The following PHYHIPL variants were observed in gnomAD, a reference collection of about 807,000 sequenced individuals.
PHYHIPL encodes the protein phytanoyl-CoA 2-hydroxylase interacting protein like, also known as phytanoyl-CoA hydroxylase-interacting protein-like.
In PHYHIPL, 9 loss-of-function variants were observed where a neutral mutation model predicts 33.4. The ratio of observed to expected loss-of-function variants is 0.27; its 90% CI spans 0.16 to 0.47. The LOEUF is 0.47. PHYHIPL is among the 20% of genes least tolerant of loss of function. The pLI, the probability that PHYHIPL is intolerant of heterozygous loss-of-function variation, is 0.99. For synonymous variants in PHYHIPL, 153 were observed against 154.1 expected, an observed-to-expected ratio of 0.99 and a Z score of 0.05; for missense variants, 365 against 460.7, an observed-to-expected ratio of 0.79 and a Z score of 1.90.
chr10:59,223,448 T>G (rs915417331), intron 1 of PHYHIPL, among the ~76,000 whole-genome samples: 1 of 152,118 alleles, frequency 6.6e-6, no homozygotes, highest in Admixed American at 6.6e-5. Flanking sequence ...GTCCCACACC[T>G]TGTTGTCTGT....
At chr10:59,181,048 C>T (rs1414487204) in intron 1 of PHYHIPL, among the ~76,000 whole-genome samples, 3 of 152,128 alleles carry the variant, frequency 2.0e-5, no homozygotes, top group Non-Finnish European at 2.9e-5. Flanking sequence ...TCTTGAAAGC[C>T]GTGTAACCTT....
At chr10:59,209,339 G>A (rs915767457) in intron 1 of PHYHIPL, among the ~76,000 whole-genome samples, 32 of 152,076 alleles carry the variant, frequency 2.1e-4, no homozygotes, top group Admixed American at 6.5e-5. Context: ...AGCTTCATAA[G>A]TGAAGGAGAA....
At chr10:59,217,282 A>G (rs1237215624) in intron 1 of PHYHIPL, among the ~76,000 whole-genome samples, 3 of 152,252 alleles carry the variant, frequency 2.0e-5, no homozygotes, top group African/African-American at 7.2e-5. Context: ...AAGCAGTGAT[A>G]TGAATACAAA....
chr10:59,246,380 GA>G lies in PHYHIPL; in HGVS notation c.*793del. 3.4e-6 allele frequency: 1 copy of G among 296,242 alleles called. No homozygotes were observed. Among genetic ancestry groups the G allele is most frequent in the East Asian group, 5.3e-5 (1 of 18,808 alleles). 18.4% of individuals were successfully genotyped at this position (296,242 alleles called of 1,614,324 possible). ...TTATAAAATATTAGGTAAATACAGAGAAAACAATAAGCCTCTGAAATAAGTC... is the reference window on the plus strand; with the variant it reads ...TTATAAAATATTAGGTAAATACAGAGAAACAATAAGCCTCTGAAATAAGTC... On this transcript the variant is annotated 3_prime_UTR_variant, in exon 5 of 5. Coordinates refer to ENST00000373880, the MANE Select transcript of PHYHIPL (RefSeq NM_032439.4).
intron 1 of PHYHIPL, among the ~76,000 whole-genome samples, chr10:59,201,247 G>T (rs1839102895): frequency 6.6e-6 from 1 of 152,074 alleles, no homozygotes; most frequent in African/African-American, 2.4e-5. Flanking sequence ...CAGAGATTCT[G>T]GTATGTTGTG....
At position 59,176,893 on chromosome 10, in the gene PHYHIPL, A is replaced by T; in HGVS notation, c.40A>T (p.Thr14Ser). The change falls in exon 1 of 5, where the codon ACC (threonine) becomes TCC (serine). Residue 14 changes from threonine to serine, a missense_variant. Thr to Ser is a moderately conservative substitution (Grantham distance 58, BLOSUM62 1). This residue lies in a region of PHYHIPL where 89 missense variants were observed against 78.3 expected (regional missense o/e 1.14). Transcript: ENST00000373880. The part of the protein sequence containing the change: ...PRLDHALNSP[T>S]SPCEEVIKNL... Reference sequence around the variant, plus strand: ...CCTGGATCATGCCCTCAACAGCCCCACCAGCCCCTGTGAGGAGGTGATCAA... The same window carrying T: ...CCTGGATCATGCCCTCAACAGCCCCTCCAGCCCCTGTGAGGAGGTGATCAA... The T allele has an allele frequency of 6.2e-7, 1 of 1,613,426 alleles. No individual in the cohort carries two copies. The highest frequency in any genetic ancestry group is 8.5e-7 in the Non-Finnish European group (1 of 1,179,734).
intron 1 of PHYHIPL, among the ~76,000 whole-genome samples, chr10:59,202,670 C>A (rs1839155203): frequency 6.6e-6 from 1 of 152,072 alleles, no homozygotes; most frequent in African/African-American, 2.4e-5. Flanking sequence ...CTAGGAAGTG[C>A]CTTCAAAACT....
At chr10:59,199,602 G>A (rs546831135) in intron 1 of PHYHIPL, among the ~76,000 whole-genome samples, 2 of 152,252 alleles carry the variant, frequency 1.3e-5, no homozygotes, top group South Asian at 4.2e-4. Flanking sequence ...GAAAGTCGTT[G>A]GTAGCTTGAT....
chr10:59,209,127 C>T (rs958679407), intron 1 of PHYHIPL, among the ~76,000 whole-genome samples: 9 of 151,934 alleles, frequency 5.9e-5, no homozygotes, highest in Non-Finnish European at 1.3e-4. Flanking sequence ...ACATAATTGT[C>T]AGATTCACCA....
chr10:59,203,579 A>C (rs1313175439), intron 1 of PHYHIPL, among the ~76,000 whole-genome samples: 1 of 152,122 alleles, frequency 6.6e-6, no homozygotes, highest in Non-Finnish European at 1.5e-5. Context: ...ATGGAATACT[A>C]TGCAGCCATA....
rs1395406645 is a variant in PHYHIPL, at chr10:59,182,825, A to G, written c.106+5866A>G. ...AAAAAAGAATCATGAGGAATTCATG[A>G]TGATTGAAATTTCAGGCAACATGGA... is the stretch of plus-strand genomic sequence containing the variant. On this transcript the variant is annotated intron_variant, in intron 1 of 4. Transcript: ENST00000373880. 4.6e-5 allele frequency among the ~76,000 whole-genome samples: 7 copies of G among 152,294 alleles called. No homozygotes were observed. In the East Asian group the frequency reaches 1.4e-3, roughly 29 times the overall value.
At chr10:59,244,992 A>G in intron 4 of PHYHIPL, 65 bp from the exon 5 acceptor site, 1 of 1,510,230 alleles carries the variant, frequency 6.6e-7, no homozygotes, top group South Asian at 1.3e-5. Context: ...TAGGCCATTC[A>G]AATATATAAA....
chr10:59,245,049 T>G lies in PHYHIPL; in HGVS notation c.597-8T>G, dbSNP rs939345867. ...TATTAAGCAGTGACCACTTGTTTTCTCTTGCAGAGAACATCATGGGAATGC... is the reference window on the plus strand; with the variant it reads ...TATTAAGCAGTGACCACTTGTTTTCGCTTGCAGAGAACATCATGGGAATGC... On this transcript the variant is annotated splice_polypyrimidine_tract_variant and splice_region_variant and intron_variant, in intron 4 of 4. Coordinates refer to ENST00000373880, the MANE Select transcript of PHYHIPL (RefSeq NM_032439.4). 3 of 1,596,172 alleles carry G rather than the reference T, an allele frequency of 1.9e-6. No homozygotes were observed. Among genetic ancestry groups the G allele is most frequent in the Non-Finnish European group, 2.6e-6 (3 of 1,173,204 alleles).
At chr10:59,209,815 G>T (rs1435107955) in intron 1 of PHYHIPL, among the ~76,000 whole-genome samples, 1 of 152,092 alleles carries the variant, frequency 6.6e-6, no homozygotes, top group Non-Finnish European at 1.5e-5. Flanking sequence ...ACAAGCAATG[G>T]GGAAAGGATT....
At chr10:59,203,257 C>T (rs1423195320) in intron 1 of PHYHIPL, among the ~76,000 whole-genome samples, 2 of 152,002 alleles carry the variant, frequency 1.3e-5, no homozygotes, top group Non-Finnish European at 2.9e-5. Context: ...CATTAAAAAG[C>T]CAGGAAACAA....
Position 59,216,257 on chromosome 10 carries a change from G to T in PHYHIPL, c.107-18047G>T, listed in dbSNP as rs1216118319. On this transcript the variant is annotated intron_variant, in intron 1 of 4. Coordinates refer to ENST00000373880, the MANE Select transcript of PHYHIPL (RefSeq NM_032439.4). ...TTCAAGTGCTCAGTAGATTCATGTGGCTAGTGGCACTCACACTGAATTTCA... is the reference window on the plus strand; with the variant it reads ...TTCAAGTGCTCAGTAGATTCATGTGTCTAGTGGCACTCACACTGAATTTCA... 2.6e-5 allele frequency among the ~76,000 whole-genome samples: 4 copies of T among 152,028 alleles called. No individual in the cohort carries two copies. In the East Asian group the frequency reaches 7.7e-4, roughly 29 times the overall value.
At chr10:59,186,998 A>G (rs1838626443) in intron 1 of PHYHIPL, among the ~76,000 whole-genome samples, 1 of 152,152 alleles carries the variant, frequency 6.6e-6, no homozygotes, top group African/African-American at 2.4e-5. Context: ...TTCCAACACT[A>G]TGTTGAATAG....
rs750333612 is a variant in PHYHIPL at position 59,245,234 on chromosome 10, AC to A, written c.775del (p.Leu259PhefsTer23). ...RYRFEIAAEK[L>X]FNPNTNLYFG... ...ACAGGTTTGAGATTGCCGCAGAAAA[AC>A]TTTTTAACCCCAATACTAACTTATA... On this transcript the variant is annotated frameshift_variant, in exon 5 of 5. Transcript: ENST00000373880. LOFTEE classifies it high-confidence loss of function. 6.2e-7 allele frequency: 1 copy of A among 1,614,060 alleles called. No homozygotes were observed.
chr10:59,228,967 G>A (rs1028741877), intron 1 of PHYHIPL, among the ~76,000 whole-genome samples: 1 of 152,108 alleles, frequency 6.6e-6, no homozygotes, highest in Admixed American at 6.5e-5. Context: ...TGGGACTAAG[G>A]AGCAATGGTG....
Sources: allele counts gnomAD v4.1 joint callset (sites outside exome capture counted in the v4.1 genomes callset), GRCh38; gene constraint gnomAD v4.1.1; regional missense constraint gnomAD v4.1.1; transcripts MANE v1.5; gene names NCBI Gene and HGNC (gene_info 2026-07-23, HGNC 2026-07-21).